The following CSNK1G3 variants were observed in gnomAD, a reference collection of about 807,000 sequenced individuals.
CSNK1G3 encodes casein kinase 1 gamma 3.
CSNK1G3 carries 23 observed loss-of-function variants against 64.3 expected under a neutral mutation model. The observed-to-expected ratio is 0.36, with a 90% CI of 0.26 to 0.51. CSNK1G3 has a LOEUF of 0.51. Ranked by LOEUF, CSNK1G3 falls within the 20% of genes least tolerant of loss-of-function variation. The pLI is 0.96. For missense variants in CSNK1G3, 357 were observed against 510.5 expected, an observed-to-expected ratio of 0.70 and a Z score of 2.90; for synonymous variants, 158 against 162.2, an observed-to-expected ratio of 0.97 and a Z score of 0.20.
intron 5 of CSNK1G3, among the ~76,000 whole-genome samples, chr5:123,575,156 T>G (rs1032240907): frequency 3.3e-5 from 5 of 152,194 alleles, no homozygotes; most frequent in African/African-American, 1.2e-4. Flanking sequence ...GAGTTGGATT[T>G]CAGACTTTTC....
rs181879618 is a variant in CSNK1G3, at chr5:123,517,777, A to G, written c.-248+5207A>G. ...TTTTGTTTTAGTTGTAATAAAATGTATAGAGTTTGTAGATGTTGAGAAATG... is the reference window on the plus strand; with the variant it reads ...TTTTGTTTTAGTTGTAATAAAATGTGTAGAGTTTGTAGATGTTGAGAAATG... On this transcript the variant is annotated intron_variant, in intron 1 of 12. Coordinates refer to ENST00000345990, the Ensembl canonical transcript of CSNK1G3. 3.0e-3 allele frequency among the ~76,000 whole-genome samples: 451 copies of G among 152,282 alleles called. 1 individual carries two copies. Among genetic ancestry groups the G allele is most frequent in the Non-Finnish European group, 4.9e-3 (330 of 68,018 alleles).
At chr5:123,517,903 G>T (rs1580832727) in intron 1 of CSNK1G3, among the ~76,000 whole-genome samples, 1 of 144,886 alleles carries the variant, frequency 6.9e-6, no homozygotes. Context: ...CTACTGCTTA[G>T]AGATTTATTT....
At chr5:123,555,376 C>T (rs1038651456) in intron 3 of CSNK1G3, among the ~76,000 whole-genome samples, 4 of 152,078 alleles carry the variant, frequency 2.6e-5, no homozygotes, top group Non-Finnish European at 5.9e-5. Context: ...TCTGTTATAT[C>T]TGTTTGTGCC....
chr5:123,535,166 A>G (rs1057135860), intron 1 of CSNK1G3, among the ~76,000 whole-genome samples: 7 of 152,168 alleles, frequency 4.6e-5, no homozygotes, highest in Non-Finnish European at 1.0e-4. Context: ...AGAGCACCAC[A>G]TATGGTCTCT....
chr5:123,607,773 A>G (rs1297040478), intron 12 of CSNK1G3, among the ~76,000 whole-genome samples: 2 of 152,324 alleles, frequency 1.3e-5, no homozygotes, highest in East Asian at 1.9e-4. Flanking sequence ...GCAACTCATA[A>G]TATCAGTGAA....
chr5:123,514,793 T>C (rs1410039962), intron 1 of CSNK1G3, among the ~76,000 whole-genome samples: 1 of 152,014 alleles, frequency 6.6e-6, no homozygotes, highest in Non-Finnish European at 1.5e-5. Context: ...CTTGTTGAAC[T>C]GGACATAAGG....
At chr5:123,525,415 C>G (rs1001574103) in intron 1 of CSNK1G3, among the ~76,000 whole-genome samples, 1 of 151,578 alleles carries the variant, frequency 6.6e-6, no homozygotes. Context: ...GGTTCAAGCA[C>G]TTCTTCTGTC....
intron 1 of CSNK1G3, among the ~76,000 whole-genome samples, chr5:123,515,880 C>T (rs374605144): frequency 2.0e-5 from 3 of 152,140 alleles, no homozygotes; most frequent in Non-Finnish European, 2.9e-5. Flanking sequence ...GATACTATTA[C>T]GACAACTCTG....
At chr5:123,522,818 TAG>T (rs528984583) in intron 1 of CSNK1G3, among the ~76,000 whole-genome samples, 38 of 152,310 alleles carry the variant, frequency 2.5e-4, no homozygotes, top group African/African-American at 9.1e-4. Context: ...TTAGCATCCT[TAG>T]TGAGGCCCCT....
At chr5:123,529,821 T>A (rs113448968) in intron 1 of CSNK1G3, among the ~76,000 whole-genome samples, 138 of 152,212 alleles carry the variant, frequency 9.1e-4, no homozygotes, top group African/African-American at 3.1e-3. Context: ...GTACAGTAAA[T>A]GCTTAGGAGG....
At chr5:123,612,866 G>A (rs868230620) in intron 12 of CSNK1G3, among the ~76,000 whole-genome samples, 1 of 152,108 alleles carries the variant, frequency 6.6e-6, no homozygotes, top group East Asian at 1.9e-4. Flanking sequence ...GGCAGCTCTC[G>A]ATGATGAAAT....
At chr5:123,593,395 C>A (rs1792812101) in intron 10 of CSNK1G3, among the ~76,000 whole-genome samples, 1 of 152,020 alleles carries the variant, frequency 6.6e-6, no homozygotes, top group African/African-American at 2.4e-5. Context: ...CCACAGTTCA[C>A]AATCCCAGAG....
rs555301899 is a variant in CSNK1G3 at position 123,537,629 on chromosome 5, T to G, written c.-247-7788T>G. 3.3e-5 allele frequency among the ~76,000 whole-genome samples: 5 copies of G among 152,294 alleles called. No individual in the cohort carries two copies. In the East Asian group the frequency reaches 7.7e-4, roughly 23 times the overall value. On this transcript the variant is annotated intron_variant, in intron 1 of 12. Coordinates refer to ENST00000345990, the Ensembl canonical transcript of CSNK1G3. Reference sequence around the variant, plus strand: ...AATGGTGTGCTGGGGAAAACATACATGTTGAGATGAAACACGCAGTTTTTT... The same window carrying G: ...AATGGTGTGCTGGGGAAAACATACAGGTTGAGATGAAACACGCAGTTTTTT...
chr5:123,594,842 G>C (rs1019531904), intron 10 of CSNK1G3, among the ~76,000 whole-genome samples, 197 bp from the exon 11 acceptor site: 2 of 151,720 alleles, frequency 1.3e-5, no homozygotes, highest in Non-Finnish European at 2.9e-5. Flanking sequence ...TTTTATTGTT[G>C]ATCATTACAC....
chr5:123,593,572 G>A (rs753776404), intron 10 of CSNK1G3, among the ~76,000 whole-genome samples: 11 of 151,900 alleles, frequency 7.2e-5, no homozygotes, highest in Admixed American at 2.0e-4. Flanking sequence ...AAAATATTGC[G>A]CATTGCCCTA....
chr5:123,577,746 A>G (rs1789466923), intron 6 of CSNK1G3, among the ~76,000 whole-genome samples: 1 of 151,940 alleles, frequency 6.6e-6, no homozygotes, highest in Non-Finnish European at 1.5e-5. Context: ...TAAAATTTAC[A>G]TTGGGTAAAA....
intron 12 of CSNK1G3, 102 bp downstream of exon 13, chr5:123,605,464 G>A: frequency 8.4e-7 from 1 of 1,191,610 alleles, no homozygotes. Flanking sequence ...TCAACACAGT[G>A]ATTATAATTG....
At chr5:123,530,525 T>C (rs576543715) in intron 1 of CSNK1G3, among the ~76,000 whole-genome samples, 1 of 152,210 alleles carries the variant, frequency 6.6e-6, no homozygotes, top group Non-Finnish European at 1.5e-5. Flanking sequence ...TTTATCCTTA[T>C]TACATATGTA....
At chr5:123,564,330 T>C (rs1202942808) in intron 4 of CSNK1G3, among the ~76,000 whole-genome samples, 1 of 152,048 alleles carries the variant, frequency 6.6e-6, no homozygotes, top group Non-Finnish European at 1.5e-5. Context: ...ATTAAGCACA[T>C]AGGAATCTTA....
Sources: gnomAD v4.1 joint callset for allele counts (sites outside exome capture counted in the v4.1 genomes callset) on GRCh38, gnomAD v4.1.1 for gene constraint, MANE v1.5 for transcripts, NCBI Gene and HGNC (gene_info 2026-07-23, HGNC 2026-07-21) for gene names.